The following TAFA1 variants were observed in gnomAD, a reference collection of about 807,000 sequenced individuals.
TAFA1 encodes the protein TAFA chemokine like family member 1, also known as chemokine-like protein TAFA-1.
In TAFA1, 4 loss-of-function variants were observed where a neutral mutation model predicts 18.5. The ratio of observed to expected loss-of-function variants is 0.22; its 90% CI spans 0.11 to 0.49. The LOEUF (loss-of-function observed/expected upper bound fraction) is 0.49. TAFA1 is among the 20% of genes least tolerant of loss of function. TAFA1 has a pLI of 0.98. For synonymous variants in TAFA1, 56 were observed against 55.2 expected (o/e 1.01, Z -0.06); for missense variants, 147 against 169.0 (o/e 0.87, Z 0.72).
chr3:68,202,902 C>T (rs1407814379), intron 2 of TAFA1, among the ~76,000 whole-genome samples: 1 of 151,430 alleles, frequency 6.6e-6, no homozygotes, highest in African/African-American at 2.4e-5. Context: ...TTCTTCAATC[C>T]TTGTCTTTTC....
At chr3:68,185,116 C>G (rs1228941849) in intron 2 of TAFA1, among the ~76,000 whole-genome samples, 1 of 152,040 alleles carries the variant, frequency 6.6e-6, no homozygotes, top group Non-Finnish European at 1.5e-5. Context: ...TGAGCAAGCA[C>G]TAAGTGGAGA....
At chr3:68,288,614 A>T (rs1343867248) in intron 2 of TAFA1, among the ~76,000 whole-genome samples, 1 of 152,182 alleles carries the variant, frequency 6.6e-6, no homozygotes, top group Non-Finnish European at 1.5e-5. Context: ...TTTCAATGCT[A>T]ATGTCTCTCT....
At chr3:68,362,970 G>T (rs1425275600) in intron 2 of TAFA1, among the ~76,000 whole-genome samples, 33 of 76,108 alleles carry the variant, frequency 4.3e-4, no homozygotes, top group South Asian at 1.0e-3. Context: ...TGTAAGCCCT[G>T]TCTTGCAGGC....
At chr3:68,371,394 G>T (rs535732513) in intron 2 of TAFA1, among the ~76,000 whole-genome samples, 1 of 151,648 alleles carries the variant, frequency 6.6e-6, no homozygotes, top group South Asian at 2.1e-4. Context: ...AACCCCCAAC[G>T]GGCCCCAGTG....
At chr3:68,365,598 G>A (rs915233416) in intron 2 of TAFA1, among the ~76,000 whole-genome samples, 1 of 152,196 alleles carries the variant, frequency 6.6e-6, no homozygotes, top group South Asian at 2.1e-4. Context: ...AAAGATGGGT[G>A]TATTAGTCCA....
chr3:68,211,304 T>C (rs1449725870), intron 2 of TAFA1, among the ~76,000 whole-genome samples: 1 of 152,080 alleles, frequency 6.6e-6, no homozygotes, highest in Non-Finnish European at 1.5e-5. Flanking sequence ...TAATTTATAC[T>C]TACAAAGTGT....
intron 2 of TAFA1, among the ~76,000 whole-genome samples, chr3:68,014,122 C>G (rs1256896999): frequency 6.6e-6 from 1 of 152,162 alleles, no homozygotes; most frequent in Non-Finnish European, 1.5e-5. Flanking sequence ...GAGGACTTTT[C>G]TTATTTTCCA....
chr3:68,436,617 A>C (rs1035528026), intron 3 of TAFA1, among the ~76,000 whole-genome samples: 22 of 152,152 alleles, frequency 1.4e-4, no homozygotes, highest in African/African-American at 5.1e-4. Flanking sequence ...TGTAGTCCCC[A>C]AGCAGGTAAG....
chr3:68,400,226 C>T (rs1037567358), intron 2 of TAFA1, among the ~76,000 whole-genome samples: 4 of 151,984 alleles, frequency 2.6e-5, no homozygotes, highest in Non-Finnish European at 4.4e-5. Flanking sequence ...GTGCTGTTAC[C>T]AAAAGAGGGA....
intron 2 of TAFA1, among the ~76,000 whole-genome samples, chr3:68,305,071 C>G (rs1368015829): frequency 1.3e-5 from 2 of 152,018 alleles, no homozygotes; most frequent in East Asian, 3.9e-4. Context: ...TCCTTAAGTT[C>G]TAGAAGCTGG....
At chr3:68,384,298 T>A (rs2070042588) in intron 2 of TAFA1, among the ~76,000 whole-genome samples, 1 of 151,866 alleles carries the variant, frequency 6.6e-6, no homozygotes, top group African/African-American at 2.4e-5. Flanking sequence ...TTCTTTATGA[T>A]ATGGACTTTA....
At chr3:67,992,375 C>G in the TAFA1 span, among the ~76,000 whole-genome samples, 1 of 152,202 alleles carries the variant, frequency 6.6e-6, no homozygotes, top group African/African-American at 2.4e-5. Flanking sequence ...TGCCACTATG[C>G]AGTCAATCAA....
chr3:68,263,180 A>C (rs139055718), intron 2 of TAFA1, among the ~76,000 whole-genome samples: 5 of 152,092 alleles, frequency 3.3e-5, no homozygotes, highest in African/African-American at 1.2e-4. Flanking sequence ...CAGAGATTCT[A>C]ATATCCCTCA....
intron 2 of TAFA1, among the ~76,000 whole-genome samples, chr3:68,184,246 C>T (rs2066242085): frequency 6.6e-6 from 1 of 152,082 alleles, no homozygotes; most frequent in Admixed American, 6.6e-5. Flanking sequence ...AGATGATTGA[C>T]AGAGGATGGA....
intron 2 of TAFA1, among the ~76,000 whole-genome samples, chr3:68,071,070 G>A (rs2064748392): frequency 2.0e-5 from 3 of 152,130 alleles, no homozygotes. Flanking sequence ...TATCTTTTCA[G>A]CAGTCCCCCA....
chr3:68,361,507 T>A (rs2069467401), intron 2 of TAFA1, among the ~76,000 whole-genome samples: 1 of 152,036 alleles, frequency 6.6e-6, no homozygotes, highest in Non-Finnish European at 1.5e-5. Context: ...TGTTATGGGC[T>A]CATAGAGATG....
intron 2 of TAFA1, chr3:68,250,777 G>GC (rs1423487570): frequency 1.4e-5 from 2 of 141,196 alleles, no homozygotes; most frequent in Non-Finnish European, 3.1e-5. Flanking sequence ...GTCATTTGTT[G>GC]TTTTTTTTTT....
At chr3:68,083,218 T>C (rs2106780437) in intron 2 of TAFA1, among the ~76,000 whole-genome samples, 1 of 152,232 alleles carries the variant, frequency 6.6e-6, no homozygotes, top group Non-Finnish European at 1.5e-5. Context: ...CAAAATACAT[T>C]CTGGGCAGTA....
chr3:68,003,665 G>A (rs1704311684), upstream of TAFA1, among the ~76,000 whole-genome samples: 1 of 152,152 alleles, frequency 6.6e-6, no homozygotes, highest in African/African-American at 2.4e-5. Context: ...GAACTTCTGA[G>A]TGTTTTCCCT....
Sources: allele counts gnomAD v4.1 joint callset (sites outside exome capture counted in the v4.1 genomes callset), GRCh38; gene constraint gnomAD v4.1.1; transcripts MANE v1.5; gene names NCBI Gene and HGNC (gene_info 2026-07-23, HGNC 2026-07-21).